Variants in CPEB4 observed in about 807,000 individuals in gnomAD.
CPEB4 encodes the protein cytoplasmic polyadenylation element-binding protein 4.
A neutral mutation model predicts 72.5 loss-of-function variants in CPEB4; 12 were observed. The ratio of observed to expected loss-of-function variants is 0.17; its 90% CI spans 0.11 to 0.27. The LOEUF is 0.27. CPEB4 is among the 10% of genes least tolerant of loss of function. The pLI is 1.00. For synonymous variants in CPEB4, 302 were observed against 326.3 expected (o/e 0.93, Z 0.80); for missense variants, 614 against 908.5 (o/e 0.68, Z 4.17).
At chr5:173,909,168 C>T (rs1450278476) in intron 1 of CPEB4, among the ~76,000 whole-genome samples, 1 of 152,082 alleles carries the variant, frequency 6.6e-6, no homozygotes, top group Non-Finnish European at 1.5e-5. Context: ...GCAATGTACC[C>T]CACACTCTTC....
chr5:173,914,454 GA>G (rs1482616038), intron 2 of CPEB4, among the ~76,000 whole-genome samples: 1 of 152,150 alleles, frequency 6.6e-6, no homozygotes. Context: ...CTTAGAAACA[GA>G]AAATAGAAAA....
chr5:173,890,146 C>T lies in CPEB4; in HGVS notation c.413C>T (p.Pro138Leu), dbSNP rs1432360327. ...AAGGAGAAAATAAGGATCGAATCTC[C>T]AGTGTTGACAGGGTTTGATTATCAA... is the stretch of plus-strand genomic sequence containing the variant. ...NGKEKIRIES[P>L]VLTGFDYQEA... Residue 138 changes from proline to leucine, a missense_variant, in exon 1 of 10, where the codon CCA becomes CTA. This residue lies in a region of CPEB4 where 458 missense variants were observed against 548.6 expected (regional missense o/e 0.83). Transcript: ENST00000265085. 1.2e-6 allele frequency: 2 copies of T among 1,614,072 alleles called. No individual in the cohort carries two copies. The highest frequency in any genetic ancestry group is 1.7e-5 in the Admixed American group (1 of 60,012).
At chr5:173,922,069 A>T (rs572376425) in intron 2 of CPEB4, among the ~76,000 whole-genome samples, 1 of 152,346 alleles carries the variant, frequency 6.6e-6, no homozygotes, top group South Asian at 2.1e-4. Context: ...GGTACCTACA[A>T]GGGTCAATAT....
chr5:173,938,407 G>A (rs1399397104), intron 3 of CPEB4, among the ~76,000 whole-genome samples: 1 of 152,046 alleles, frequency 6.6e-6, no homozygotes, highest in Non-Finnish European at 1.5e-5. Context: ...TATATTTTTA[G>A]TATAGACAGG....
intron 3 of CPEB4, among the ~76,000 whole-genome samples, chr5:173,936,254 G>A (rs951520412): frequency 1.3e-5 from 2 of 152,142 alleles, no homozygotes; most frequent in African/African-American, 4.8e-5. Context: ...AAAGCAAGGT[G>A]TTATCAGGGT....
chr5:173,932,083 G>A (rs1172123896), intron 2 of CPEB4, among the ~76,000 whole-genome samples: 1 of 152,134 alleles, frequency 6.6e-6, no homozygotes, highest in Non-Finnish European at 1.5e-5. Context: ...TCACATAGGA[G>A]AATATTACTG....
chr5:173,919,266 C>G (rs764643175), intron 2 of CPEB4, among the ~76,000 whole-genome samples: 3 of 152,136 alleles, frequency 2.0e-5, no homozygotes, highest in Non-Finnish European at 4.4e-5. Context: ...ACAATTTAAG[C>G]TTATGTTTTA....
At chr5:173,946,828 C>T (rs748461007) in intron 5 of CPEB4, among the ~76,000 whole-genome samples, 2 of 152,128 alleles carry the variant, frequency 1.3e-5, no homozygotes, top group Non-Finnish European at 2.9e-5. Flanking sequence ...CCATGTTATA[C>T]TGACATTGTT....
chr5:173,955,765 C>A lies in CPEB4; in HGVS notation c.1963-145C>A. On this transcript the variant is annotated intron_variant, in intron 9 of 9. Coordinates refer to ENST00000265085, the MANE Select transcript of CPEB4 (RefSeq NM_030627.4). The surrounding 1 kb of genome is among the most constrained non-coding windows in gnomAD (Gnocchi z 4.7). ...ACTAGGTTCTTAAAAGATGAACTATCCATATTTCAGTAAATGAATAATTAG... is the reference window on the plus strand; with the variant it reads ...ACTAGGTTCTTAAAAGATGAACTATACATATTTCAGTAAATGAATAATTAG... 3 of 598,494 alleles carry A rather than the reference C, an allele frequency of 5.0e-6. No homozygotes were observed. Among genetic ancestry groups the A allele is most frequent in the South Asian group, 2.4e-5 (1 of 41,758 alleles). 37.1% of individuals were successfully genotyped at this position (598,494 alleles called of 1,614,324 possible). A position where few individuals can be genotyped will look rare whatever the true frequency, so the allele number is the denominator to read the frequency against.
chr5:173,907,221 C>G (rs1181033331), intron 1 of CPEB4, among the ~76,000 whole-genome samples: 1 of 152,166 alleles, frequency 6.6e-6, no homozygotes, highest in African/African-American at 2.4e-5. Context: ...GAGCCTAGAT[C>G]ACGCTACTGC....
rs187831468 is a variant in CPEB4 at position 173,888,858 on chromosome 5, A to T, written c.-876A>T. 7.8e-5 allele frequency: 21 copies of T among 270,320 alleles called. 1 individual carries two copies. In the East Asian group the frequency reaches 1.2e-3, roughly 15 times the overall value. 16.7% of individuals were successfully genotyped at this position (270,320 alleles called of 1,614,324 possible). A position where few individuals can be genotyped will look rare whatever the true frequency, so the allele number is the denominator to read the frequency against. On this transcript the variant is annotated 5_prime_UTR_variant, in exon 1 of 10. Coordinates refer to ENST00000265085, the MANE Select transcript of CPEB4 (RefSeq NM_030627.4). This position sits in a 1 kb window ranked among gnomAD's most constrained non-coding sequence, Gnocchi z 4.3. Reference sequence around the variant, plus strand: ...CCCCGCACCCCCAGGCCGCCCGCTCACCCTCGTCGAGTCTCGCTAATCCCT... The same window carrying T: ...CCCCGCACCCCCAGGCCGCCCGCTCTCCCTCGTCGAGTCTCGCTAATCCCT...
intron 2 of CPEB4, among the ~76,000 whole-genome samples, chr5:173,917,150 T>C (rs72812805): frequency 0.22 from 33,774 of 152,150 alleles, 4,965 homozygotes; most frequent in Non-Finnish European, 0.31. Context: ...TTATTTCATA[T>C]GTTATAAATT....
chr5:173,940,191 G>C (rs1757786774), intron 3 of CPEB4, among the ~76,000 whole-genome samples: 1 of 152,186 alleles, frequency 6.6e-6, no homozygotes, highest in South Asian at 2.1e-4. Context: ...TGGGGACTGG[G>C]AGATTTTTAT....
At position 173,951,902 on chromosome 5, in the gene CPEB4, A is replaced by G. The variant is rs1303089361; in HGVS notation, c.1744A>G (p.Ile582Val). The G allele has an allele frequency of 3.1e-6, 5 of 1,613,652 alleles. No individual in the cohort carries two copies. Among genetic ancestry groups the G allele is most frequent in the African/African-American group, 1.3e-5 (1 of 75,026 alleles). ...GSQPLDPRKTIFVGGVPRPLR... is the reference protein window; with the variant it reads ...GSQPLDPRKTVFVGGVPRPLR... ...ACAGCCACTTGACCCACGAAAAACT[A>G]TATTTGTTGGTGGTGTTCCTCGACC... Residue 582 changes from isoleucine to valine, a missense_variant, in exon 8 of 10, where the codon ATA becomes GTA. By Grantham distance (29) the Ile-to-Val change is conservative (BLOSUM62 3). This residue lies in a region of CPEB4 where 101 missense variants were observed against 243.1 expected (regional missense o/e 0.42). Transcript: ENST00000265085.
At chr5:173,935,395 A>G (rs77909087) in intron 3 of CPEB4, among the ~76,000 whole-genome samples, 1,684 of 152,270 alleles carry the variant, frequency 0.011, 17 homozygotes, top group Non-Finnish European at 0.018. Context: ...GTCACTTTAT[A>G]GTCATTGTTT....
chr5:173,929,706 A>AAAT (rs776751912), intron 2 of CPEB4, among the ~76,000 whole-genome samples: 1 of 152,040 alleles, frequency 6.6e-6, no homozygotes, highest in Non-Finnish European at 1.5e-5. Flanking sequence ...TCAAAAATTA[A>AAAT]AATAATAATA....
At position 173,889,902 on chromosome 5, in the gene CPEB4, G is replaced by T; in HGVS notation, c.169G>T (p.Gly57Trp). The change falls in exon 1 of 10, where the codon GGG becomes TGG. Residue 57 changes from glycine (G) to tryptophan (W), a missense_variant. By Grantham distance (184) the Gly-to-Trp change is radical (BLOSUM62 -2). Transcript: ENST00000265085. ...NNTAANGSSA[G>W]SAWLFPAPAT... The stretch of plus-strand genomic sequence containing the variant: ...CACAGCTGCCAATGGCAGCAGTGCT[G>T]GGTCAGCTTGGCTTTTTCCTGCTCC... The T allele has an allele frequency of 6.2e-7, 1 of 1,614,132 alleles. No individual in the cohort carries two copies. Among genetic ancestry groups the T allele is most frequent in the Non-Finnish European group, 8.5e-7 (1 of 1,180,006 alleles).
At chr5:173,936,517 G>C (rs1056934981) in intron 3 of CPEB4, among the ~76,000 whole-genome samples, 4 of 152,156 alleles carry the variant, frequency 2.6e-5, no homozygotes, top group African/African-American at 9.7e-5. Flanking sequence ...GGGGTAGGGG[G>C]TGGCCACATA....
At position 173,890,719 on chromosome 5, in the gene CPEB4, A is replaced by G; in HGVS notation, c.986A>G (p.Asn329Ser). 1.2e-6 allele frequency: 2 copies of G among 1,613,964 alleles called. No individual in the cohort carries two copies. Among genetic ancestry groups the G allele is most frequent in the Non-Finnish European group, 1.7e-6 (2 of 1,180,004 alleles). Residue 329 changes from asparagine (N) to serine (S), a missense_variant, in exon 1 of 10, where the codon AAC (asparagine) becomes AGC (serine). Around this residue, in one of 5 missense-constraint regions of CPEB4, gnomAD observed 458 missense variants for 548.6 expected, o/e 0.83. Transcript: ENST00000265085. ...CTGAATGGTGGAATAACGCCCCTGAACTCCATCTCGCCTTTGAAGAAAAAT... is the reference window on the plus strand; with the variant it reads ...CTGAATGGTGGAATAACGCCCCTGAGCTCCATCTCGCCTTTGAAGAAAAAT... The part of the protein sequence containing the change: ...RGLNGGITPL[N>S]SISPLKKNFA...
Sources: gnomAD v4.1 joint callset for allele counts (sites outside exome capture counted in the v4.1 genomes callset) on GRCh38, gnomAD v4.1.1 for gene constraint, gnomAD v4.1.1 regional missense constraint, Gnocchi (gnomAD v3.1) non-coding constraint, MANE v1.5 for transcripts, NCBI Gene and HGNC (gene_info 2026-07-23, HGNC 2026-07-21) for gene names.